MVB12A: variants seen among roughly 807,000 people sequenced by gnomAD.
MVB12A encodes the protein CIN85/CD2AP family binding protein.
In MVB12A, 30 loss-of-function variants were observed where a neutral mutation model predicts 34.3. That is an observed-to-expected ratio of 0.88 (90% CI 0.65 to 1.19). MVB12A has a LOEUF of 1.19. MVB12A is among the 50% of genes most tolerant of loss of function. MVB12A has a pLI of 0.00. For synonymous variants in MVB12A, 158 were observed against 158.9 expected, an observed-to-expected ratio of 0.99 and a Z score of 0.04; for missense variants, 355 against 369.2, an observed-to-expected ratio of 0.96 and a Z score of 0.31.
In MVB12A at chr19:17,425,308, C is replaced by T. The variant is rs1017386671; in HGVS notation, c.*315C>T. On this transcript the variant is annotated 3_prime_UTR_variant, in exon 9 of 9. Transcript: ENST00000317040. ...GGAGGCTGTGCGGGTGTCCTCCTGG[C>T]AATAAACACTACCCGGTTCTCGCCC... is the stretch of plus-strand genomic sequence containing the variant. 2 of 386,832 alleles carry T rather than the reference C, an allele frequency of 5.2e-6. No homozygotes were observed. The highest frequency in any genetic ancestry group is 9.3e-6 in the Non-Finnish European group (2 of 214,830). 24.0% of individuals were successfully genotyped at this position (386,832 alleles called of 1,614,324 possible). A position where few individuals can be genotyped will look rare whatever the true frequency, so the allele number is the denominator to read the frequency against.
intron 3 of MVB12A, among the ~76,000 whole-genome samples, chr19:17,421,409 C>T (rs1003206590): frequency 6.6e-6 from 1 of 151,862 alleles, no homozygotes; most frequent in Admixed American, 6.6e-5. Flanking sequence ...GTTTCGAACT[C>T]GTGACCTCAG....
At chr19:17,407,569 G>C (rs760099436) in intron 2 of MVB12A, among the ~76,000 whole-genome samples, 16 of 152,210 alleles carry the variant, frequency 1.1e-4, no homozygotes, top group Non-Finnish European at 1.2e-4. Flanking sequence ...CAGAAAGACA[G>C]CTTATGCCAT....
intron 2 of MVB12A, among the ~76,000 whole-genome samples, chr19:17,411,130 A>C (rs1346882395): frequency 6.7e-6 from 1 of 149,342 alleles, no homozygotes; most frequent in Non-Finnish European, 1.5e-5. Flanking sequence ...CACTACGCCC[A>C]GCTAATTTTT....
chr19:17,423,790 G>T lies in MVB12A; in HGVS notation c.631G>T (p.Gly211Cys), dbSNP rs1205838526. 6.2e-7 allele frequency: 1 copy of T among 1,613,886 alleles called. No individual in the cohort carries two copies. Among genetic ancestry groups the T allele is most frequent in the South Asian group, 1.1e-5 (1 of 91,088 alleles). ...CATCTACGAGGCCTCCAGCCTCTATGGCATCTCAGGTGAGCACAGAGTGGG... is the reference window on the plus strand; with the variant it reads ...CATCTACGAGGCCTCCAGCCTCTATTGCATCTCAGGTGAGCACAGAGTGGG... ...DSIYEASSLY[G>C]ISAMDGVPFT... Residue 211 changes from glycine to cysteine, a missense_variant, in exon 6 of 9, where the codon GGC becomes TGC. Physicochemically the swap from Gly to Cys is radical, Grantham distance 159 (BLOSUM62 -3). Transcript: ENST00000317040.
intron 3 of MVB12A, among the ~76,000 whole-genome samples, chr19:17,421,328 G>A (rs1162122014): frequency 2.6e-5 from 4 of 151,904 alleles, no homozygotes; most frequent in Non-Finnish European, 1.5e-5. Flanking sequence ...GGGATTACAG[G>A]CATGCGCCAC....
At chr19:17,412,697 G>A (rs1026406326) in intron 2 of MVB12A, among the ~76,000 whole-genome samples, 2 of 152,210 alleles carry the variant, frequency 1.3e-5, no homozygotes, top group Non-Finnish European at 2.9e-5. Context: ...AATAGGCGGT[G>A]AGATTTCTCA....
intron 2 of MVB12A, among the ~76,000 whole-genome samples, chr19:17,410,624 A>G (rs2145752286): frequency 7.0e-6 from 1 of 143,792 alleles, no homozygotes; most frequent in South Asian, 2.2e-4. Flanking sequence ...ATATATAATT[A>G]TTATTATTTT....
chr19:17,406,171 G>C (rs1321197743), exon 2 of MVB12A: 1 of 152,210 alleles, frequency 6.6e-6, no homozygotes, highest in Non-Finnish European at 1.5e-5. Flanking sequence ...CAACAGGTGA[G>C]ACTGGAGCCA....
chr19:17,424,086 G>A lies in MVB12A; in HGVS notation c.702+19G>A, dbSNP rs2074855683. On this transcript the variant is annotated intron_variant, in intron 7 of 8. Transcript: ENST00000317040. ...CCCCCTGGTGAGTCGGGGTCTCAGG[G>A]AGCCTGGGTCTGCGCCTGCCATCAC... 1 of 1,613,266 alleles carries A rather than the reference G, an allele frequency of 6.2e-7. No individual in the cohort carries two copies. Among genetic ancestry groups the A allele is most frequent in the Non-Finnish European group, 8.5e-7 (1 of 1,179,430 alleles).
intron 2 of MVB12A, chr19:17,413,398 G>A (rs2074780832): frequency 6.6e-6 from 1 of 152,228 alleles, no homozygotes. Context: ...GCAGTGGTGT[G>A]ATCTTGGCTC....
chr19:17,424,622 C>T lies in MVB12A; in HGVS notation c.704C>T (p.Ala235Val), dbSNP rs145682576. The T allele has an allele frequency of 9.9e-6, 16 of 1,612,464 alleles. No homozygotes were observed. Among genetic ancestry groups the T allele is most frequent in the African/African-American group, 1.3e-5 (1 of 74,820 alleles). Residue 235 changes from alanine (A) to valine (V), a missense_variant and splice_region_variant, in exon 8 of 9, where the codon GCC (alanine) becomes GTC (valine). Ala to Val is a moderately conservative substitution (Grantham distance 64). Transcript: ENST00000317040. The stretch of plus-strand genomic sequence containing the variant: ...GGCTGACCCACCTCTGCCCGCCAGG[C>T]CTTCTCTGCTTTTGGGGACCTGACC... ...RFEGKSCSPL[A>V]FSAFGDLTIK...
chr19:17,422,966 TAAATAA>T (rs1285820622), intron 4 of MVB12A: 1 of 150,098 alleles, frequency 6.7e-6, no homozygotes, highest in Non-Finnish European at 1.5e-5. Flanking sequence ...TAAAATAAAA[TAAATAA>T]AAATAAAGTA....
chr19:17,407,829 C>T (rs980874462), intron 2 of MVB12A, among the ~76,000 whole-genome samples: 6 of 152,226 alleles, frequency 3.9e-5, no homozygotes, highest in South Asian at 4.1e-4. Context: ...CTCCCTTTCC[C>T]GGTCTGCTAA....
At chr19:17,420,026 C>CCCCCCCCA, upstream of MVB12A, 1 of 514,014 alleles carries the variant, frequency 1.9e-6, no homozygotes. Flanking sequence ...CCCCCCCCCC[C>CCCCCCCCA]CGCATGGCCT....
At chr19:17,410,753 A>C (rs994137700) in intron 2 of MVB12A, among the ~76,000 whole-genome samples, 5 of 145,554 alleles carry the variant, frequency 3.4e-5, no homozygotes, top group Non-Finnish European at 6.0e-5. Flanking sequence ...ACATGGTGAA[A>C]CCCTGTCTCT....
At chr19:17,420,925 G>C in intron 3 of MVB12A, 1 of 635,430 alleles carries the variant, frequency 1.6e-6, no homozygotes, top group East Asian at 3.2e-5. Context: ...CCATAGCCAA[G>C]CAAAACCACT....
intron 4 of MVB12A, 147 bp downstream of exon 4, chr19:17,422,605 A>G: frequency 1.4e-6 from 1 of 709,016 alleles, no homozygotes; most frequent in Non-Finnish European, 2.2e-6. Flanking sequence ...ACCGGGACAT[A>G]TATATCATCT....
At chr19:17,408,771 T>C (rs184902031) in intron 2 of MVB12A, among the ~76,000 whole-genome samples, 1 of 150,456 alleles carries the variant, frequency 6.6e-6, no homozygotes, top group African/African-American at 2.4e-5. Context: ...TATTTTTAAA[T>C]ATATAATGTA....
At chr19:17,424,870 T>G in intron 8 of MVB12A, 61 bp from the exon 9 acceptor site, 1 of 1,300,268 alleles carries the variant, frequency 7.7e-7, no homozygotes, top group South Asian at 1.3e-5. Context: ...CCTCAGTCAC[T>G]CCCCCTTTGG....
Sources: gnomAD v4.1 joint callset for allele counts (sites outside exome capture counted in the v4.1 genomes callset) on GRCh38, gnomAD v4.1.1 for gene constraint, MANE v1.5 for transcripts, NCBI Gene and HGNC (gene_info 2026-07-23, HGNC 2026-07-21) for gene names.